KMT2C: variants seen among roughly 807,000 people sequenced by gnomAD.
KMT2C encodes lysine methyltransferase 2C.
A neutral mutation model predicts 507.9 loss-of-function variants in KMT2C; 88 were observed. The observed-to-expected ratio is 0.17, with a 90% CI of 0.15 to 0.21. The LOEUF (loss-of-function observed/expected upper bound fraction) is 0.21. KMT2C is among the 10% of genes least tolerant of loss of function. The probability of loss-of-function intolerance (pLI) is 1.00; values close to 1 mark genes in which losing one functional copy is unlikely to be tolerated. For synonymous variants in KMT2C, 2,049 were observed against 2,080.8 expected, an observed-to-expected ratio of 0.98 and a Z score of 0.42; for missense variants, 4,954 against 5,957.8, an observed-to-expected ratio of 0.83 and a Z score of 5.55.
intron 24 of KMT2C, among the ~76,000 whole-genome samples, chr7:152,206,770 T>C (rs2129138073): frequency 6.6e-6 from 1 of 152,338 alleles, no homozygotes; most frequent in East Asian, 1.9e-4. Flanking sequence ...CGCTTTTCTC[T>C]CCACTCCTGA....
intron 1 of KMT2C, among the ~76,000 whole-genome samples, chr7:152,431,479 CCCAGCTACT>C (rs1198859440): frequency 6.6e-6 from 1 of 151,880 alleles, no homozygotes; most frequent in African/African-American, 2.4e-5. Context: ...TGCCTGCAGT[CCCAGCTACT>C]CCAGCTACTT....
Position 152,169,267 on chromosome 7 carries a change from T to C in KMT2C, c.9454-18A>G. ...CTGCCATCCTAAAATAAGTAAAATT[T>C]ACAAATATGTTTATTCCACATTTCA... On this transcript the variant is annotated intron_variant, in intron 40 of 58. Coordinates refer to ENST00000262189, the MANE Select transcript of KMT2C (RefSeq NM_170606.3). The C allele has an allele frequency of 7.0e-7, 1 of 1,419,870 alleles. No individual in the cohort carries two copies. Among genetic ancestry groups the C allele is most frequent in the Non-Finnish European group, 1.0e-6 (1 of 1,004,498 alleles). 88.0% of individuals were successfully genotyped at this position (1,419,870 alleles called of 1,614,324 possible). A position where few individuals can be genotyped will look rare whatever the true frequency, so the allele number is the denominator to read the frequency against.
chr7:152,277,967 T>TTATG (rs767142618), intron 6 of KMT2C, among the ~76,000 whole-genome samples: 77 of 152,236 alleles, frequency 5.1e-4, no homozygotes, highest in Admixed American at 1.9e-3. Flanking sequence ...CAGACTTCAT[T>TTATG]TATGTATGTG....
chr7:152,334,309 G>A (rs561809708), intron 2 of KMT2C, among the ~76,000 whole-genome samples: 31 of 152,210 alleles, frequency 2.0e-4, no homozygotes, highest in Admixed American at 3.9e-4. Context: ...AGAATTAGCC[G>A]GGCGAGGTGG....
intron 6 of KMT2C, among the ~76,000 whole-genome samples, chr7:152,294,895 T>A (rs1249045552): frequency 1.3e-5 from 2 of 152,224 alleles, no homozygotes; most frequent in Non-Finnish European, 2.9e-5. Flanking sequence ...CAATCTTCCA[T>A]CTTCTTTTCT....
intron 3 of KMT2C, among the ~76,000 whole-genome samples, chr7:152,324,033 G>A (rs982202355): frequency 2.0e-5 from 3 of 151,820 alleles, no homozygotes; most frequent in African/African-American, 4.8e-5. Flanking sequence ...CTCGGAGAAG[G>A]TAAGGCAGGA....
chr7:152,277,096 G>A (rs1163876852), intron 6 of KMT2C, among the ~76,000 whole-genome samples: 2 of 151,980 alleles, frequency 1.3e-5, no homozygotes, highest in Non-Finnish European at 2.9e-5. Context: ...GATTAAAGTT[G>A]TATCATAAAA....
At chr7:152,373,575 C>T (rs2097306872) in intron 1 of KMT2C, among the ~76,000 whole-genome samples, 2 of 152,128 alleles carry the variant, frequency 1.3e-5, no homozygotes, top group African/African-American at 4.8e-5. Flanking sequence ...AAATAAGACA[C>T]TTTAATACCA....
intron 26 of KMT2C, among the ~76,000 whole-genome samples, chr7:152,201,291 CAG>C (rs1157362921): frequency 3.1e-5 from 4 of 131,122 alleles, no homozygotes; most frequent in Non-Finnish European, 4.7e-5. Flanking sequence ...CATACAGACA[CAG>C]ACACACACAC....
At chr7:152,189,045 G>GC (rs1332118188) in intron 31 of KMT2C, among the ~76,000 whole-genome samples, 1 of 151,986 alleles carries the variant, frequency 6.6e-6, no homozygotes, top group African/African-American at 2.4e-5. Flanking sequence ...TTACAGTTCA[G>GC]CCCCCAAACA....
In KMT2C at chr7:152,144,223, T is replaced by C. The variant is rs552475888; in HGVS notation, c.14343+490A>G. 2.9e-4 allele frequency among the ~76,000 whole-genome samples: 44 copies of C among 152,342 alleles called. No individual in the cohort carries two copies. The highest frequency in any genetic ancestry group is 1.1e-3 in the African/African-American group (44 of 41,574). On this transcript the variant is annotated intron_variant, in intron 55 of 58. Coordinates refer to ENST00000262189, the MANE Select transcript of KMT2C (RefSeq NM_170606.3). The surrounding 1 kb of genome is among the most constrained non-coding windows in gnomAD (Gnocchi z 4.4). ...TCTGCAGCTCAGGAAGTATGGACTA[T>C]AGGTGTAAACTTAAATGCTTAGCCT...
intron 7 of KMT2C, among the ~76,000 whole-genome samples, chr7:152,268,054 T>C (rs1450505829): frequency 6.6e-6 from 1 of 152,146 alleles, no homozygotes; most frequent in Non-Finnish European, 1.5e-5. Flanking sequence ...CCAAAGCAGA[T>C]GGATCACTTG....
intron 18 of KMT2C, among the ~76,000 whole-genome samples, chr7:152,228,752 G>A (rs1302350892): frequency 6.6e-6 from 1 of 152,084 alleles, no homozygotes; most frequent in Non-Finnish European, 1.5e-5. Context: ...AATGATAGCA[G>A]CAACTTTTAT....
At chr7:152,250,417 A>G (rs1397763949) in intron 12 of KMT2C, among the ~76,000 whole-genome samples, 2 of 152,166 alleles carry the variant, frequency 1.3e-5, no homozygotes, top group Non-Finnish European at 2.9e-5. Context: ...TGCAAGTACA[A>G]TAATAGCTCT....
chr7:152,262,470 G>A (rs1352694281), intron 9 of KMT2C, among the ~76,000 whole-genome samples: 1 of 152,210 alleles, frequency 6.6e-6, no homozygotes, highest in Non-Finnish European at 1.5e-5. Context: ...TCACCCTGAA[G>A]GGGCAGAAGC....
At chr7:152,255,118 T>TATATATAC (rs1554583645) in intron 9 of KMT2C, among the ~76,000 whole-genome samples, 11 of 97,712 alleles carry the variant, frequency 1.1e-4, no homozygotes, top group East Asian at 5.6e-4. Flanking sequence ...CTTATATATA[T>TATATATAC]ATATATATAT....
chr7:152,346,821 A>T (rs907074898), intron 2 of KMT2C, among the ~76,000 whole-genome samples: 1 of 152,204 alleles, frequency 6.6e-6, no homozygotes, highest in African/African-American at 2.4e-5. Context: ...GCTAGAGAAA[A>T]GAAAATGTTA....
intron 1 of KMT2C, among the ~76,000 whole-genome samples, chr7:152,423,150 A>AC (rs1180749716): frequency 1.3e-5 from 2 of 152,076 alleles, no homozygotes; most frequent in African/African-American, 4.8e-5. Flanking sequence ...TACCAACCTG[A>AC]CCAACATGGT....
intron 9 of KMT2C, among the ~76,000 whole-genome samples, chr7:152,254,592 CATAA>C (rs2095614916): frequency 6.6e-6 from 1 of 152,124 alleles, no homozygotes; most frequent in Non-Finnish European, 1.5e-5. Context: ...ATGTGACCAA[CATAA>C]ATACTTCAAT....
Sources: gnomAD v4.1 joint callset for allele counts (sites outside exome capture counted in the v4.1 genomes callset) on GRCh38, gnomAD v4.1.1 for gene constraint, Gnocchi (gnomAD v3.1) non-coding constraint, MANE v1.5 for transcripts, NCBI Gene and HGNC (gene_info 2026-07-23, HGNC 2026-07-21) for gene names.